MKLN1: variants seen among roughly 807,000 people sequenced by gnomAD.
MKLN1 encodes the protein muskelin.
In MKLN1, 18 loss-of-function variants were observed where a neutral mutation model predicts 99.0. The ratio of observed to expected loss-of-function variants is 0.18; its 90% confidence interval spans 0.13 to 0.27. MKLN1 has a LOEUF of 0.27. Ranked by LOEUF, MKLN1 falls within the 10% of genes least tolerant of loss-of-function variation. The probability of loss-of-function intolerance (pLI) is 1.00; values close to 1 mark genes in which losing one functional copy is unlikely to be tolerated. For missense variants in MKLN1, 621 were observed against 875.9 expected (o/e 0.71, Z 3.67); for synonymous variants, 288 against 293.2 (o/e 0.98, Z 0.18).
chr7:131,444,793 T>C (rs953036319), intron 11 of MKLN1, among the ~76,000 whole-genome samples: 1 of 147,556 alleles, frequency 6.8e-6, no homozygotes, highest in East Asian at 2.0e-4. Context: ...GTAGTAGTAG[T>C]AGTAGTAGTA....
Position 131,445,871 on chromosome 7 carries a change from T to C in MKLN1, c.1493T>C (p.Ile498Thr). ...GTGGACTCTGATCATGTAGACATAATATCAGATGGCACCAAGAAAGACTCT... is the reference window on the plus strand; with the variant it reads ...GTGGACTCTGATCATGTAGACATAACATCAGATGGCACCAAGAAAGACTCT... ...YDVDSDHVDI[I>T]SDGTKKDSGM... Residue 498 changes from isoleucine (I) to threonine (T), a missense_variant, in exon 12 of 18, where the codon ATA (isoleucine) becomes ACA (threonine). By Grantham distance (89) the Ile-to-Thr change is moderately conservative. Transcript: ENST00000352689. 1 of 1,603,302 alleles carries C rather than the reference T, an allele frequency of 6.2e-7. No individual in the cohort carries two copies. Among genetic ancestry groups the C allele is most frequent in the Non-Finnish European group, 8.5e-7 (1 of 1,172,902 alleles).
At chr7:131,348,864 A>T (rs1320147621) in intron 1 of MKLN1, among the ~76,000 whole-genome samples, 1 of 152,194 alleles carries the variant, frequency 6.6e-6, no homozygotes, top group East Asian at 1.9e-4. Context: ...TTGAGTTCTA[A>T]TCCCAGTTCT....
chr7:131,169,704 A>G (rs1427238797), intron 2 of MKLN1, among the ~76,000 whole-genome samples: 1 of 152,248 alleles, frequency 6.6e-6, no homozygotes, highest in Non-Finnish European at 1.5e-5. Context: ...TTATCTAGTT[A>G]GGACTAATAG....
intron 1 of MKLN1, among the ~76,000 whole-genome samples, chr7:131,119,523 G>A (rs1795329127): frequency 6.6e-6 from 1 of 152,206 alleles, no homozygotes; most frequent in South Asian, 2.1e-4. Flanking sequence ...GACTTTGTGT[G>A]GGGGCTCCAA....
At chr7:131,343,253 TG>T (rs1584626924) in intron 1 of MKLN1, among the ~76,000 whole-genome samples, 1 of 152,224 alleles carries the variant, frequency 6.6e-6, no homozygotes, top group East Asian at 1.9e-4. Context: ...GATTGACTAG[TG>T]TAGCACGTCA....
chr7:131,222,189 C>G (rs1797069594), intron 3 of MKLN1, among the ~76,000 whole-genome samples: 2 of 152,166 alleles, frequency 1.3e-5, no homozygotes, highest in South Asian at 4.1e-4. Flanking sequence ...TGCCTGGCCT[C>G]TAAGTATTTT....
chr7:131,113,206 T>C (rs1350599238), intron 1 of MKLN1, among the ~76,000 whole-genome samples: 1 of 152,166 alleles, frequency 6.6e-6, no homozygotes, highest in Non-Finnish European at 1.5e-5. Flanking sequence ...AATCTTGAGA[T>C]GCGTTCTGAA....
intron 12 of MKLN1, among the ~76,000 whole-genome samples, 157 bp downstream of exon 12, chr7:131,446,060 A>G (rs575709633): frequency 6.6e-6 from 1 of 152,202 alleles, no homozygotes; most frequent in African/African-American, 2.4e-5. Context: ...CAGCTTATTC[A>G]GTTCTATCTA....
intron 3 of MKLN1, among the ~76,000 whole-genome samples, chr7:131,305,809 G>GA (rs1262368908): frequency 6.6e-6 from 1 of 152,132 alleles, no homozygotes; most frequent in Non-Finnish European, 1.5e-5. Context: ...ATGTTGCAAG[G>GA]AAAAGAGAGT....
At chr7:131,357,636 G>T (rs1025056741) in intron 1 of MKLN1, among the ~76,000 whole-genome samples, 1 of 151,958 alleles carries the variant, frequency 6.6e-6, no homozygotes, top group Non-Finnish European at 1.5e-5. Context: ...TATTTATTTT[G>T]TTGCTCAAAA....
intron 1 of MKLN1, among the ~76,000 whole-genome samples, chr7:131,335,515 T>C (rs568950707): frequency 3.3e-5 from 5 of 152,270 alleles, no homozygotes; most frequent in Non-Finnish European, 5.9e-5. Flanking sequence ...ACATAACTTA[T>C]ATTTTGAATT....
chr7:131,228,725 C>T (rs1324225703), intron 3 of MKLN1, among the ~76,000 whole-genome samples: 1 of 152,198 alleles, frequency 6.6e-6, no homozygotes, highest in Non-Finnish European at 1.5e-5. Flanking sequence ...AAACACTGTA[C>T]TCTGGAACAT....
intron 2 of MKLN1, among the ~76,000 whole-genome samples, chr7:131,163,856 A>G (rs1796087555): frequency 6.6e-6 from 1 of 152,176 alleles, no homozygotes; most frequent in Admixed American, 6.6e-5. Context: ...TACATATATT[A>G]TACTTGTATA....
intron 3 of MKLN1, among the ~76,000 whole-genome samples, chr7:131,260,011 G>C (rs552018602): frequency 4.4e-4 from 67 of 151,638 alleles, no homozygotes; most frequent in Non-Finnish European, 7.5e-4. Context: ...CCTCAGCAAA[G>C]TTTCAGGATA....
At chr7:131,299,921 T>C (rs1012846427) in intron 3 of MKLN1, among the ~76,000 whole-genome samples, 1 of 152,164 alleles carries the variant, frequency 6.6e-6, no homozygotes, top group African/African-American at 2.4e-5. Context: ...AAAGTCAATA[T>C]ACTAGAGCGA....
intron 1 of MKLN1, among the ~76,000 whole-genome samples, chr7:131,121,730 A>G (rs1795376110): frequency 6.6e-6 from 1 of 151,784 alleles, no homozygotes; most frequent in African/African-American, 2.4e-5. Context: ...ACTATCACAC[A>G]GGGGAAGATC....
At chr7:131,459,172 G>A (rs190392194) in intron 12 of MKLN1, among the ~76,000 whole-genome samples, 2 of 152,292 alleles carry the variant, frequency 1.3e-5, no homozygotes, top group South Asian at 2.1e-4. Flanking sequence ...AACAAGGCCC[G>A]TCTGTTCAGA....
intron 6 of MKLN1, 109 bp from the exon 7 acceptor site, chr7:131,411,197 A>G: frequency 1.7e-6 from 1 of 595,096 alleles, no homozygotes. Context: ...TGTATTAGTG[A>G]CATATTAGTA....
intron 12 of MKLN1, among the ~76,000 whole-genome samples, chr7:131,446,149 G>C (rs1796008866): frequency 6.6e-6 from 1 of 152,056 alleles, no homozygotes; most frequent in African/African-American, 2.4e-5. Flanking sequence ...GTGCTTGTTG[G>C]GGGGCGGGGT....
Sources: allele counts gnomAD v4.1 joint callset (sites outside exome capture counted in the v4.1 genomes callset), GRCh38; gene constraint gnomAD v4.1.1; transcripts MANE v1.5; gene names NCBI Gene and HGNC (gene_info 2026-07-23, HGNC 2026-07-21).